The following TKFC variants were observed in gnomAD, a reference collection of about 807,000 sequenced individuals.
TKFC encodes the protein triokinase and FMN cyclase.
A neutral mutation model predicts 61.0 loss-of-function variants in TKFC; 46 were observed. The observed-to-expected ratio is 0.75, with a 90% CI of 0.60 to 0.96. TKFC has a LOEUF of 0.96. TKFC is among the 50% of genes least tolerant of loss of function. TKFC has a pLI of 0.00. For missense variants in TKFC, 715 were observed against 777.5 expected (o/e 0.92, Z 0.96); for synonymous variants, 314 against 330.1 (o/e 0.95, Z 0.53).
rs1320612395 is a variant in TKFC, at chr11:61,348,123, C to T, written c.*1620C>T. ...CATCCACGTGCACAGGAGTATGCGCCCAGCAGCTGGGAAGGAGGCTGACCT... is the reference window on the plus strand; with the variant it reads ...CATCCACGTGCACAGGAGTATGCGCTCAGCAGCTGGGAAGGAGGCTGACCT... On this transcript the variant is annotated 3_prime_UTR_variant, in exon 18 of 18. Coordinates refer to ENST00000394900, the MANE Select transcript of TKFC (RefSeq NM_015533.4). 1.0e-6 allele frequency: 1 copy of T among 985,328 alleles called. No individual in the cohort carries two copies. The highest frequency in any genetic ancestry group is 1.2e-6 in the Non-Finnish European group (1 of 829,950). 61.0% of individuals were successfully genotyped at this position (985,328 alleles called of 1,614,324 possible).
intron 15 of TKFC, 46 bp downstream of exon 15, chr11:61,345,611 G>C: frequency 6.2e-7 from 1 of 1,612,234 alleles, no homozygotes; most frequent in South Asian, 1.1e-5. Flanking sequence ...GCTGGGGGAG[G>C]TGTTTGGTGA....
chr11:61,350,961 C>T (rs1857376198), downstream of TKFC: 5 of 1,600,410 alleles, frequency 3.1e-6, no homozygotes, highest in Non-Finnish European at 4.3e-6. Flanking sequence ...GGCCCTGTCC[C>T]ACCCTGGAAT....
At chr11:61,338,647 C>G (rs1354509210) in intron 3 of TKFC, among the ~76,000 whole-genome samples, 1 of 152,182 alleles carries the variant, frequency 6.6e-6, no homozygotes, top group Non-Finnish European at 1.5e-5. Context: ...GGCAAACACT[C>G]ATGAGCCCAC....
At chr11:61,337,513 C>T (rs776511514) in intron 2 of TKFC, among the ~76,000 whole-genome samples, 51 of 152,168 alleles carry the variant, frequency 3.4e-4, no homozygotes, top group Non-Finnish European at 3.5e-4. Flanking sequence ...ATGTTTGCCC[C>T]GCGTTGGAGC....
chr11:61,347,237 T>G lies in TKFC; in HGVS notation c.*734T>G. The G allele has an allele frequency of 2.0e-6, 2 of 985,258 alleles. No homozygotes were observed. The highest frequency in any genetic ancestry group is 2.4e-6 in the Non-Finnish European group (2 of 829,932). The allele number at this position is 985,258 out of a possible 1,614,324, so 61.0% of individuals were successfully genotyped here. On this transcript the variant is annotated 3_prime_UTR_variant, in exon 18 of 18. Coordinates refer to ENST00000394900, the MANE Select transcript of TKFC (RefSeq NM_015533.4). ...GAAATCATCATAGTCTAAGGTTCAG[T>G]TGTAGATCAAAAAATGCAGCCAGGC...
downstream of TKFC, chr11:61,352,815 T>C: frequency 6.9e-7 from 1 of 1,450,932 alleles, no homozygotes; most frequent in South Asian, 1.5e-5. Context: ...ATCTGCTGAC[T>C]TACCAATTTC....
downstream of TKFC, chr11:61,349,507 T>A: frequency 1.4e-6 from 1 of 702,002 alleles, no homozygotes; most frequent in Non-Finnish European, 2.6e-6. Context: ...CCTCTGTTAC[T>A]CATCGCTACT....
rs767521245 is a variant in TKFC at position 61,339,304 on chromosome 11, G to A, written c.355G>A (p.Gly119Ser). Residue 119 changes from glycine to serine, a missense_variant, in exon 5 of 18, where the codon GGC (glycine) becomes AGC (serine). Physicochemically the swap from Gly to Ser is moderately conservative, Grantham distance 56. Transcript: ENST00000394900. ...KNYTGDRLNF[G>S]LAREQARAEG... is the part of the protein sequence containing the mutation. ...CTACACTGGGGATCGGCTCAACTTC[G>A]GCCTGGCCCGGGAGCAGGCCCGGGC... The A allele has an allele frequency of 1.5e-5, 25 of 1,613,762 alleles. No individual in the cohort carries two copies. The highest frequency in any genetic ancestry group is 2.7e-5 in the African/African-American group (2 of 74,924).
chr11:61,344,326 C>A, intron 13 of TKFC, 53 bp downstream of exon 13: 2 of 1,562,166 alleles, frequency 1.3e-6, no homozygotes, highest in East Asian at 2.3e-5. Context: ...CTTAGCCCCC[C>A]TTCCACTTGT....
In TKFC at chr11:61,347,362, T is replaced by C; in HGVS notation, c.*859T>C. Reference sequence around the variant, plus strand: ...TTCAAGACCAGTCTGGGCAACATGGTAAAACCCTGTCTCTACCAAAAAATA... The same window carrying C: ...TTCAAGACCAGTCTGGGCAACATGGCAAAACCCTGTCTCTACCAAAAAATA... On this transcript the variant is annotated 3_prime_UTR_variant, in exon 18 of 18. Transcript: ENST00000394900. 1.1e-6 allele frequency: 1 copy of C among 892,364 alleles called. No individual in the cohort carries two copies. Among genetic ancestry groups the C allele is most frequent in the Non-Finnish European group, 1.3e-6 (1 of 745,366 alleles). The allele number at this position is 892,364 out of a possible 1,614,324, so 55.3% of individuals were successfully genotyped here.
At chr11:61,345,834 C>T in intron 16 of TKFC, 23 bp from the exon 17 acceptor site, 1 of 1,614,144 alleles carries the variant, frequency 6.2e-7, no homozygotes, top group South Asian at 1.1e-5. Context: ...CGTGCTCAGC[C>T]CCCTTTCCTT....
chr11:61,334,669 C>T lies in TKFC; in HGVS notation c.-60C>T. ...TCAGACCCAGGTAGCACAGGATTGT[C>T]CATCCTCCAGCAGCTCAGTGCAACG... is the stretch of plus-strand genomic sequence containing the variant. On this transcript the variant is annotated 5_prime_UTR_variant, in exon 2 of 18. Coordinates refer to ENST00000394900, the MANE Select transcript of TKFC (RefSeq NM_015533.4). 2 of 1,612,938 alleles carry T rather than the reference C, an allele frequency of 1.2e-6. No individual in the cohort carries two copies. The highest frequency in any genetic ancestry group is 1.7e-6 in the Non-Finnish European group (2 of 1,179,366).
chr11:61,334,693 C>G lies in TKFC; in HGVS notation c.-36C>G. The G allele has an allele frequency of 6.2e-7, 1 of 1,613,974 alleles. No homozygotes were observed. The highest frequency in any genetic ancestry group is 8.5e-7 in the Non-Finnish European group (1 of 1,179,922). The stretch of plus-strand genomic sequence containing the variant: ...TCCATCCTCCAGCAGCTCAGTGCAA[C>G]GGTGTGAACTCAGCCTGTTTCAGAG... On this transcript the variant is annotated 5_prime_UTR_variant, in exon 2 of 18. Transcript: ENST00000394900.
Position 61,341,843 on chromosome 11 carries a change from T to C in TKFC, c.586T>C (p.Ser196Pro), listed in dbSNP as rs999977168. The C allele has an allele frequency of 6.2e-7, 1 of 1,613,982 alleles. No homozygotes were observed. The highest frequency in any genetic ancestry group is 8.5e-7 in the Non-Finnish European group (1 of 1,179,944). The change falls in exon 7 of 18, where the codon TCC (serine) becomes CCC (proline). Residue 196 changes from serine to proline, a missense_variant. By Grantham distance (74) the Ser-to-Pro change is moderately conservative. Coordinates refer to ENST00000394900, the MANE Select transcript of TKFC (RefSeq NM_015533.4). ...CATAGGTACCCTGGGGGTGAGCTTA[T>C]CCTCCTGCAGCGTCCCTGGTTCCAA... ...KAMGTLGVSL[S>P]SCSVPGSKPT...
intron 3 of TKFC, among the ~76,000 whole-genome samples, 185 bp from the exon 4 acceptor site, chr11:61,338,881 G>T (rs759681497): frequency 3.9e-5 from 6 of 152,140 alleles, no homozygotes; most frequent in Non-Finnish European, 8.8e-5. Flanking sequence ...CAGGCTGGGA[G>T]GTCACAGAAG....
At chr11:61,350,111 A>C (rs957075385), downstream of TKFC, 2 of 569,890 alleles carry the variant, frequency 3.5e-6, no homozygotes, top group African/African-American at 3.8e-5. Flanking sequence ...ACAGGCAGCA[A>C]GCAGCCAGAG....
At chr11:61,353,280 C>G, downstream of TKFC, 1 of 1,086,944 alleles carries the variant, frequency 9.2e-7, no homozygotes. Context: ...TGCCCACTAC[C>G]GTGCTAGCTT....
At position 61,343,404 on chromosome 11, in the gene TKFC, C is replaced by T; in HGVS notation, c.928C>T (p.Pro310Ser). 3 of 1,614,186 alleles carry T rather than the reference C, an allele frequency of 1.9e-6. No individual in the cohort carries two copies. Among genetic ancestry groups the T allele is most frequent in the Non-Finnish European group, 2.5e-6 (3 of 1,180,014 alleles). ...CACCTTCATGTCAGCACTGGAGATG[C>T]CTGGCATTTCTCTCACCCTCCTGCT... ...VGTFMSALEM[P>S]GISLTLLLVD... The change falls in exon 11 of 18, where the codon CCT (proline) becomes TCT (serine). Residue 310 changes from proline to serine, a missense_variant. Coordinates refer to ENST00000394900, the MANE Select transcript of TKFC (RefSeq NM_015533.4).
rs748915118 is a variant in TKFC at position 61,339,261 on chromosome 11, G to A, written c.312G>A (p.Thr104=). The change falls in exon 5 of 18, where the codon ACG becomes ACA. Residue 104 remains threonine (T), a synonymous_variant. Transcript: ENST00000394900. The part of the protein sequence containing the change: ...RAVAQAGTVG[T]LLIVKNYTGD... ...TTCCGGCTGCTCCCGCAGTGGGGAC[G>A]CTCCTTATCGTGAAGAACTACACTG... 3.7e-6 allele frequency: 6 copies of A among 1,612,752 alleles called. No homozygotes were observed. In the East Asian group the frequency reaches 8.9e-5, roughly 24 times the overall value.
Sources: allele counts gnomAD v4.1 joint callset (sites outside exome capture counted in the v4.1 genomes callset), GRCh38; gene constraint gnomAD v4.1.1; transcripts MANE v1.5; gene names NCBI Gene and HGNC (gene_info 2026-07-23, HGNC 2026-07-21).